The following DLGAP1 variants were observed in gnomAD, a reference collection of about 807,000 sequenced individuals.
The protein encoded by DLGAP1 is DLG associated protein 1, also known as disks large-associated protein 1.
DLGAP1 carries 11 observed loss-of-function variants against 90.8 expected under a neutral mutation model. The ratio of observed to expected loss-of-function variants is 0.12; its 90% CI spans 0.08 to 0.20. The LOEUF (loss-of-function observed/expected upper bound fraction) is 0.20. Among genes scored for constraint, DLGAP1 ranks in the 10% least tolerant of loss-of-function variants. The pLI is 1.00. For synonymous variants in DLGAP1, 558 were observed against 540.7 expected (o/e 1.03, Z -0.44); for missense variants, 1,050 against 1,333.8 (o/e 0.79, Z 3.31).
intron 7 of DLGAP1, among the ~76,000 whole-genome samples, chr18:3,712,919 A>C (rs1192031323): frequency 6.6e-6 from 1 of 152,246 alleles, no homozygotes; most frequent in Non-Finnish European, 1.5e-5. Flanking sequence ...AAGTTGTTCT[A>C]CTGGTACTGT....
intron 2 of DLGAP1, among the ~76,000 whole-genome samples, chr18:4,030,135 G>A (rs2074771925): frequency 6.6e-6 from 1 of 152,132 alleles, no homozygotes; most frequent in African/African-American, 2.4e-5. Flanking sequence ...TGATCTCACA[G>A]GCATGTGCAA....
chr18:3,805,382 T>G (rs917271386), intron 5 of DLGAP1, among the ~76,000 whole-genome samples: 1 of 152,208 alleles, frequency 6.6e-6, no homozygotes, highest in Non-Finnish European at 1.5e-5. Context: ...GATTCAGAGA[T>G]AATTTTTTAG....
At chr18:4,027,016 G>GA (rs1315488901) in intron 2 of DLGAP1, among the ~76,000 whole-genome samples, 5 of 151,996 alleles carry the variant, frequency 3.3e-5, no homozygotes, top group African/African-American at 1.2e-4. Flanking sequence ...TTACATCCTG[G>GA]ATTACCCTGA....
intron 7 of DLGAP1, among the ~76,000 whole-genome samples, chr18:3,710,364 C>T (rs942333785): frequency 1.3e-5 from 2 of 152,164 alleles, no homozygotes. Flanking sequence ...CGCCCTTTCT[C>T]CTCCACACCC....
chr18:3,903,317 G>C (rs1419278299), intron 3 of DLGAP1, among the ~76,000 whole-genome samples: 1 of 152,144 alleles, frequency 6.6e-6, no homozygotes, highest in East Asian at 1.9e-4. Context: ...GACTCAATTA[G>C]ATCACAGAAA....
chr18:4,269,635 T>A lies in DLGAP1; in HGVS notation c.-266-118348A>T, dbSNP rs554087900. 1.5e-3 allele frequency among the ~76,000 whole-genome samples: 233 copies of A among 152,194 alleles called. 1 individual carries two copies. Among genetic ancestry groups the A allele is most frequent in the Non-Finnish European group, 2.3e-3 (155 of 67,992 alleles). On this transcript the variant is annotated intron_variant, in intron 1 of 12. Coordinates refer to ENST00000315677, the MANE Select transcript of DLGAP1 (RefSeq NM_004746.4). ...TCCCAAAGTGCTGGCATTACAGGCG[T>A]GAGCCACCGCGCCCGGCCATATTCT...
At chr18:4,354,785 A>G (rs191953530) in intron 1 of DLGAP1, among the ~76,000 whole-genome samples, 4 of 148,786 alleles carry the variant, frequency 2.7e-5, no homozygotes, top group African/African-American at 7.4e-5. Context: ...ACAGCCACTC[A>G]TTATTGTTAA....
chr18:3,756,637 A>G (rs961994711), intron 5 of DLGAP1, among the ~76,000 whole-genome samples: 1 of 152,146 alleles, frequency 6.6e-6, no homozygotes, highest in African/African-American at 2.4e-5. Flanking sequence ...AATAAATGAA[A>G]TGGAAAGCAA....
intron 7 of DLGAP1, among the ~76,000 whole-genome samples, chr18:3,721,330 A>G (rs1486631536): frequency 6.6e-6 from 1 of 152,192 alleles, no homozygotes; most frequent in Non-Finnish European, 1.5e-5. Context: ...TTTACGCATG[A>G]GTTGGCAAAA....
intron 7 of DLGAP1, among the ~76,000 whole-genome samples, chr18:3,628,316 A>G (rs891276003): frequency 2.0e-5 from 3 of 151,160 alleles, no homozygotes; most frequent in Admixed American, 6.6e-5. Context: ...CAGCCTCCCA[A>G]GTAGGTGGGA....
intron 1 of DLGAP1, among the ~76,000 whole-genome samples, chr18:4,443,447 C>T (rs2083585842): frequency 1.3e-5 from 2 of 152,106 alleles, no homozygotes; most frequent in Non-Finnish European, 2.9e-5. Flanking sequence ...GCATGTGTTC[C>T]TGGTTAAAAT....
intron 1 of DLGAP1, among the ~76,000 whole-genome samples, chr18:4,174,200 G>A (rs2077068379): frequency 1.3e-5 from 2 of 152,100 alleles, no homozygotes; most frequent in Admixed American, 6.6e-5. Flanking sequence ...TAACCACACC[G>A]AATCCCAACC....
At chr18:3,752,572 TTCTTTCTTCTCTC>T (rs2063547264) in intron 5 of DLGAP1, among the ~76,000 whole-genome samples, 1 of 126,584 alleles carries the variant, frequency 7.9e-6, no homozygotes, top group Non-Finnish European at 1.6e-5. Flanking sequence ...CTCTTTCTCT[TTCTTTCTTCTCTC>T]TCTTTCTCTC....
At chr18:3,637,571 C>G (rs1335621151) in intron 7 of DLGAP1, among the ~76,000 whole-genome samples, 1 of 111,640 alleles carries the variant, frequency 9.0e-6, no homozygotes, top group South Asian at 3.4e-4. Flanking sequence ...CTGTCTCCCC[C>G]ACCAAAAAAA....
At chr18:4,157,083 T>C (rs932997339) in intron 1 of DLGAP1, among the ~76,000 whole-genome samples, 1 of 152,176 alleles carries the variant, frequency 6.6e-6, no homozygotes. Context: ...GTGAAGTTTA[T>C]GAAAACTAGA....
chr18:3,958,234 A>T (rs775122346), intron 3 of DLGAP1, among the ~76,000 whole-genome samples: 89 of 151,956 alleles, frequency 5.9e-4, no homozygotes, highest in Non-Finnish European at 9.3e-4. Flanking sequence ...AAAAACAGCA[A>T]CTATAATATG....
intron 2 of DLGAP1, among the ~76,000 whole-genome samples, chr18:4,125,842 T>A (rs1201200593): frequency 2.0e-5 from 3 of 152,146 alleles, no homozygotes; most frequent in Non-Finnish European, 4.4e-5. Flanking sequence ...GCCAAAAATT[T>A]GTCCTAAAAT....
At chr18:3,904,618 A>C (rs544286906) in intron 3 of DLGAP1, among the ~76,000 whole-genome samples, 1 of 152,348 alleles carries the variant, frequency 6.6e-6, no homozygotes, top group Non-Finnish European at 1.5e-5. Flanking sequence ...TATTCAAACC[A>C]GGAGAAAATG....
At chr18:4,298,341 C>T (rs2080035724) in intron 1 of DLGAP1, among the ~76,000 whole-genome samples, 1 of 152,184 alleles carries the variant, frequency 6.6e-6, no homozygotes, top group Non-Finnish European at 1.5e-5. Context: ...CTGAGACCCT[C>T]CTCAGTTTCT....
Sources: gnomAD v4.1 joint callset for allele counts (sites outside exome capture counted in the v4.1 genomes callset) on GRCh38, gnomAD v4.1.1 for gene constraint, MANE v1.5 for transcripts, NCBI Gene and HGNC (gene_info 2026-07-23, HGNC 2026-07-21) for gene names.